The following SWAP70 variants were observed in gnomAD, a reference collection of about 807,000 sequenced individuals.
SWAP70 encodes the protein switch-associated protein 70.
Under a neutral mutation model 80.2 loss-of-function variants are expected in SWAP70, and 34 were observed. The observed-to-expected ratio is 0.42, with a 90% CI of 0.32 to 0.56. The LOEUF is 0.56. Among genes scored for constraint, SWAP70 ranks in the 20% least tolerant of loss-of-function variants. The pLI is 0.09. For synonymous variants in SWAP70, 239 were observed against 238.5 expected (o/e 1.00, Z -0.02); for missense variants, 578 against 690.7 (o/e 0.84, Z 1.83).
intron 2 of SWAP70, among the ~76,000 whole-genome samples, chr11:9,695,219 G>T (rs149571194): frequency 3.3e-5 from 5 of 151,924 alleles, no homozygotes; most frequent in Non-Finnish European, 5.9e-5. Flanking sequence ...GCTTGAACCC[G>T]GGAGGTAGAG....
rs145556247 is a variant in SWAP70, at chr11:9,729,122, ATCAG to A, written c.790-220_790-217del. 6.5e-3 allele frequency among the ~76,000 whole-genome samples: 984 copies of A among 152,310 alleles called. 9 individuals carry two copies. The highest frequency in any genetic ancestry group is 0.023 in the African/African-American group (949 of 41,570). Reference sequence around the variant, plus strand: ...AGGAAATCCCAATGCATGGCATCCTATCAGGTGTTTATAGTTTTACCAGTCTAGA... The same window carrying A: ...AGGAAATCCCAATGCATGGCATCCTAGTGTTTATAGTTTTACCAGTCTAGA... On this transcript the variant is annotated intron_variant, in intron 5 of 11. Coordinates refer to ENST00000318950, the MANE Select transcript of SWAP70 (RefSeq NM_015055.4).
intron 2 of SWAP70, among the ~76,000 whole-genome samples, chr11:9,697,202 G>A (rs1460874288): frequency 6.6e-6 from 1 of 150,686 alleles, no homozygotes; most frequent in Middle Eastern, 3.5e-3. Context: ...TTTTACAATA[G>A]TAAAGTATAG....
chr11:9,749,289 CT>C (rs1407793929), intron 11 of SWAP70, 106 bp downstream of exon 11: 4 of 506,602 alleles, frequency 7.9e-6, no homozygotes, highest in Non-Finnish European at 1.1e-5. Flanking sequence ...GTCGCCCAGG[CT>C]GGATGGAGTG....
intron 6 of SWAP70, 58 bp from the exon 7 acceptor site, chr11:9,732,471 G>A: frequency 6.6e-7 from 1 of 1,507,312 alleles, no homozygotes; most frequent in Non-Finnish European, 9.0e-7. Flanking sequence ...TGCATAGTAG[G>A]CTTACAAAGA....
At chr11:9,690,337 G>A (rs769639664) in intron 1 of SWAP70, among the ~76,000 whole-genome samples, 6 of 152,050 alleles carry the variant, frequency 3.9e-5, no homozygotes, top group Non-Finnish European at 7.4e-5. Flanking sequence ...ATCCCAGCAC[G>A]CAGGCCAAGG....
intron 3 of SWAP70, among the ~76,000 whole-genome samples, chr11:9,715,095 C>T (rs1851049654): frequency 6.6e-6 from 1 of 151,348 alleles, no homozygotes; most frequent in Non-Finnish European, 1.5e-5. Flanking sequence ...CTGTCTCAGC[C>T]TACTGAGTAG....
In SWAP70 at chr11:9,740,271, C is replaced by T. The variant is rs938340217; in HGVS notation, c.1279C>T (p.Leu427=). 1 of 1,614,178 alleles carries T rather than the reference C, an allele frequency of 6.2e-7. No individual in the cohort carries two copies. Among genetic ancestry groups the T allele is most frequent in the South Asian group, 1.1e-5 (1 of 91,086 alleles). Residue 427 remains leucine (L), a synonymous_variant, in exon 9 of 12, where the codon CTA becomes TTA. Transcript: ENST00000318950. Reference sequence around the variant, plus strand: ...AGTACGGGAGCTGGAAGACATGTACCTAAAGCTGCAGGAGGCTCTTGAAGA... The same window carrying T: ...AGTACGGGAGCTGGAAGACATGTACTTAAAGCTGCAGGAGGCTCTTGAAGA... The part of the protein sequence containing the change: ...QRVRELEDMY[L]KLQEALEDER...
At chr11:9,701,068 A>G (rs117842701) in intron 2 of SWAP70, among the ~76,000 whole-genome samples, 2 of 151,862 alleles carry the variant, frequency 1.3e-5, no homozygotes, top group African/African-American at 2.4e-5. Context: ...TTTTGTATTT[A>G]CTTTGTTATT....
At chr11:9,737,724 C>T (rs531554130) in intron 7 of SWAP70, among the ~76,000 whole-genome samples, 21 of 152,072 alleles carry the variant, frequency 1.4e-4, no homozygotes, top group East Asian at 3.9e-4. Context: ...GATGAAACCC[C>T]GTGTCTACTA....
Position 9,709,181 on chromosome 11 carries a change from C to CA in SWAP70, c.241-4284dup, listed in dbSNP as rs202209316. On this transcript the variant is annotated intron_variant, in intron 2 of 11. Transcript: ENST00000318950. ...CTTTGTCGCCCAGGCTGGAGTGCAGCAGCACAGTCTTGCCTTCATTGCAGC... is the reference window on the plus strand; with the variant it reads ...CTTTGTCGCCCAGGCTGGAGTGCAGCAAGCACAGTCTTGCCTTCATTGCAGC... Among the ~76,000 whole-genome samples the CA allele has an allele frequency of 6.5e-3, 993 of 152,144 alleles. 35 individuals are homozygous for CA. The highest frequency in any genetic ancestry group is 0.042 in the Admixed American group (649 of 15,276).
chr11:9,694,148 C>A lies in SWAP70; in HGVS notation c.102C>A (p.Val34=). Residue 34 remains valine (V), a splice_region_variant and synonymous_variant, in exon 2 of 12, where the codon GTC becomes GTA. Coordinates refer to ENST00000318950, the MANE Select transcript of SWAP70 (RefSeq NM_015055.4). ...AACGATTTTCTTTTCCCTTGCAGGT[C>A]CTTTCCCATAACCTGTGCACGGTGC... The part of the protein sequence containing the change: ...SGKVSKSQLK[V]LSHNLCTVLK... 6.3e-7 allele frequency: 1 copy of A among 1,589,708 alleles called. No homozygotes were observed.
chr11:9,684,372 G>A (rs577173961), intron 1 of SWAP70, among the ~76,000 whole-genome samples: 21 of 152,290 alleles, frequency 1.4e-4, no homozygotes, highest in Middle Eastern at 3.4e-3. Flanking sequence ...GAGCCACTGC[G>A]TCCAGCCAGA....
At chr11:9,685,777 GCA>G (rs1260172391) in intron 1 of SWAP70, among the ~76,000 whole-genome samples, 3 of 152,130 alleles carry the variant, frequency 2.0e-5, no homozygotes, top group African/African-American at 7.2e-5. Context: ...GGGACTACAG[GCA>G]CACACCACCA....
intron 2 of SWAP70, among the ~76,000 whole-genome samples, chr11:9,710,401 A>G (rs537170458): frequency 2.0e-5 from 3 of 152,216 alleles, no homozygotes; most frequent in Admixed American, 1.3e-4. Context: ...GCCGTGGGAA[A>G]TGGTGTTAGA....
chr11:9,728,240 G>GC, intron 5 of SWAP70, 41 bp downstream of exon 5: 1 of 1,517,002 alleles, frequency 6.6e-7, no homozygotes, highest in Non-Finnish European at 8.8e-7. Flanking sequence ...ACCCCGTGCT[G>GC]CCCCCTGATG....
At chr11:9,720,296 C>T in intron 3 of SWAP70, 1 of 985,402 alleles carries the variant, frequency 1.0e-6, no homozygotes. Flanking sequence ...CAGATCGAAG[C>T]TGGGTGCTAA....
In SWAP70 at chr11:9,752,392, G is replaced by A. The variant is rs1369503021; in HGVS notation, c.*2422G>A. 1 of 152,192 alleles carries A rather than the reference G, an allele frequency of 6.6e-6. No homozygotes were observed. The highest frequency in any genetic ancestry group is 1.5e-5 in the Non-Finnish European group (1 of 68,044). 9.4% of individuals were successfully genotyped at this position (152,192 alleles called of 1,614,324 possible). A position where few individuals can be genotyped will look rare whatever the true frequency, so the allele number is the denominator to read the frequency against. ...CATGTGGACCTTGATACGACTAAGC[G>A]GTTACATATGTGGTTGTGCAAAAGC... On this transcript the variant is annotated 3_prime_UTR_variant, in exon 12 of 12. Coordinates refer to ENST00000318950, the MANE Select transcript of SWAP70 (RefSeq NM_015055.4).
At chr11:9,726,466 A>G (rs370928516) in intron 4 of SWAP70, among the ~76,000 whole-genome samples, 14 of 152,312 alleles carry the variant, frequency 9.2e-5, no homozygotes, top group African/African-American at 3.4e-4. Flanking sequence ...TTGGTGCTAC[A>G]AAGAGGTATG....
intron 1 of SWAP70, among the ~76,000 whole-genome samples, chr11:9,667,747 A>G (rs1015129230): frequency 1.3e-5 from 2 of 151,814 alleles, no homozygotes; most frequent in Non-Finnish European, 2.9e-5. Context: ...ACTTATGTAG[A>G]GATGGAGTTT....
Sources: gnomAD v4.1 joint callset for allele counts (sites outside exome capture counted in the v4.1 genomes callset) on GRCh38, gnomAD v4.1.1 for gene constraint, MANE v1.5 for transcripts, NCBI Gene and HGNC (gene_info 2026-07-23, HGNC 2026-07-21) for gene names.